ALDH5A1: variants seen among roughly 807,000 people sequenced by gnomAD.
ALDH5A1 encodes aldehyde dehydrogenase 5 family member A1, also known as succinate-semialdehyde dehydrogenase, mitochondrial.
In ALDH5A1, 33 loss-of-function variants were observed where a neutral mutation model predicts 54.7. The ratio of observed to expected loss-of-function variants is 0.60; its 90% confidence interval spans 0.46 to 0.81. The LOEUF (loss-of-function observed/expected upper bound fraction) is 0.81. Among genes scored for constraint, ALDH5A1 ranks in the 30% least tolerant of loss-of-function variants. The pLI is 0.00. For missense variants in ALDH5A1, 657 were observed against 711.0 expected (o/e 0.92, Z 0.86); for synonymous variants, 294 against 292.7 (o/e 1.00, Z -0.05).
chr6:24,522,501 G>GTGTA (rs1554137635), intron 6 of ALDH5A1: 15,221 of 361,094 alleles, frequency 0.042, 1,274 homozygotes, highest in South Asian at 0.13. Context: ...GTGTGTGTGT[G>GTGTA]TGTACAGGTG....
At chr6:24,497,581 CCA>C (rs1456811126) in intron 1 of ALDH5A1, among the ~76,000 whole-genome samples, 7 of 148,194 alleles carry the variant, frequency 4.7e-5, no homozygotes, top group Admixed American at 4.6e-4. Context: ...GAAAAGTTCT[CCA>C]AGTCCCCACT....
intron 4 of ALDH5A1, among the ~76,000 whole-genome samples, chr6:24,506,192 T>G (rs1475469793): frequency 1.3e-5 from 2 of 151,078 alleles, no homozygotes; most frequent in African/African-American, 2.4e-5. Flanking sequence ...CCTATAGAGT[T>G]TTTACTTAAT....
intron 1 of ALDH5A1, 55 bp from the exon 2 acceptor site, chr6:24,502,468 T>C (rs370312302): frequency 3.4e-5 from 44 of 1,297,680 alleles, no homozygotes; most frequent in Admixed American, 8.4e-5. Context: ...TTATTTAGCA[T>C]TCTGTCTTAC....
At chr6:24,505,055 A>G (rs1332445626) in intron 4 of ALDH5A1, 70 bp downstream of exon 4, 1 of 1,532,098 alleles carries the variant, frequency 6.5e-7, no homozygotes, top group Non-Finnish European at 9.0e-7. Context: ...TGGGACAGAA[A>G]GAAGCAATTT....
At position 24,522,926 on chromosome 6, in the gene ALDH5A1, G is replaced by T; in HGVS notation, c.1173+1G>T. 1 of 1,506,134 alleles carries T rather than the reference G, an allele frequency of 6.6e-7. No individual in the cohort carries two copies. The highest frequency in any genetic ancestry group is 1.4e-5 in the African/African-American group (1 of 71,260). The allele number at this position is 1,506,134 out of a possible 1,614,324, so 93.3% of individuals were successfully genotyped here. A position where few individuals can be genotyped will look rare whatever the true frequency, so the allele number is the denominator to read the frequency against. ...AATTAATGAAAAAGCGGTAGAAAAG[G>T]TAAGTATATTGTATTATTTGTGAAA... On this transcript the variant is annotated splice_donor_variant, in intron 7 of 9. Coordinates refer to ENST00000357578, the MANE Select transcript of ALDH5A1 (RefSeq NM_001080.3). LOFTEE classifies it high-confidence loss of function.
At chr6:24,522,952 G>A in intron 7 of ALDH5A1, 27 bp downstream of exon 7, 1 of 1,406,164 alleles carries the variant, frequency 7.1e-7, no homozygotes. Flanking sequence ...ATTTGTGAAA[G>A]TAAATTTCAT....
intron 3 of ALDH5A1, among the ~76,000 whole-genome samples, chr6:24,503,800 G>A (rs1759258081): frequency 6.6e-6 from 1 of 152,128 alleles, no homozygotes; most frequent in South Asian, 2.1e-4. Context: ...TTTTAAACTT[G>A]CCATAGTTTG....
chr6:24,528,528 A>C (rs1759866103), intron 8 of ALDH5A1, among the ~76,000 whole-genome samples: 1 of 151,692 alleles, frequency 6.6e-6, no homozygotes, highest in African/African-American at 2.4e-5. Flanking sequence ...ATACCAGGCT[A>C]ATTTTTTGTA....
chr6:24,525,436 C>T (rs780177097), intron 7 of ALDH5A1, among the ~76,000 whole-genome samples: 4 of 151,722 alleles, frequency 2.6e-5, no homozygotes, highest in East Asian at 1.9e-4. Flanking sequence ...CAGTGGCTCA[C>T]GCCTATAATC....
chr6:24,514,430 A>G (rs1759521917), intron 4 of ALDH5A1, among the ~76,000 whole-genome samples: 1 of 152,198 alleles, frequency 6.6e-6, no homozygotes, highest in South Asian at 2.1e-4. Flanking sequence ...TAGTTTGAAC[A>G]GACCGTGGCA....
intron 1 of ALDH5A1, among the ~76,000 whole-genome samples, chr6:24,502,234 G>C (rs1764835104): frequency 6.6e-6 from 1 of 152,074 alleles, no homozygotes; most frequent in Non-Finnish European, 1.5e-5. Flanking sequence ...GTTCTTTTCA[G>C]GTTCTCAGCA....
chr6:24,497,824 G>A (rs2744577), intron 1 of ALDH5A1, among the ~76,000 whole-genome samples: 54,002 of 152,002 alleles, frequency 0.36, 10,018 homozygotes, highest in African/African-American at 0.4. Context: ...AGAGGGGGCT[G>A]TGTCAGGGTT....
chr6:24,501,896 TG>T (rs1764826406), intron 1 of ALDH5A1, among the ~76,000 whole-genome samples: 1 of 143,886 alleles, frequency 6.9e-6, no homozygotes, highest in East Asian at 2.0e-4. Context: ...TATATATATA[TG>T]TGTGTGTGTG....
chr6:24,527,335 A>G (rs888610117), intron 7 of ALDH5A1, among the ~76,000 whole-genome samples: 7 of 152,036 alleles, frequency 4.6e-5, no homozygotes, highest in Non-Finnish European at 8.8e-5. Context: ...GCACTTTGGG[A>G]GGCCAAGGCG....
chr6:24,517,726 C>T (rs918172919), intron 5 of ALDH5A1, among the ~76,000 whole-genome samples: 4 of 152,228 alleles, frequency 2.6e-5, no homozygotes, highest in African/African-American at 9.6e-5. Flanking sequence ...AGTGACTGAA[C>T]AGGAAATGTG....
At chr6:24,516,202 C>T (rs1248249163) in intron 5 of ALDH5A1, among the ~76,000 whole-genome samples, 1 of 151,622 alleles carries the variant, frequency 6.6e-6, no homozygotes, top group African/African-American at 2.4e-5. Flanking sequence ...TTTGGGAGGC[C>T]GAGGCAGGCG....
rs1760009397 is a variant in ALDH5A1, at chr6:24,534,691, C to A, written c.*979C>A. The A allele has an allele frequency of 6.6e-6, 1 of 152,388 alleles. No individual in the cohort carries two copies. Among genetic ancestry groups the A allele is most frequent in the Non-Finnish European group, 1.5e-5 (1 of 68,146 alleles). The allele number at this position is 152,388 out of a possible 1,614,324, so 9.4% of individuals were successfully genotyped here. Reference sequence around the variant, plus strand: ...TTGTTACGAGCAGCACCGCCCAGCCCTTCCTTGCCTACTGTCAGTGGCTTT... The same window carrying A: ...TTGTTACGAGCAGCACCGCCCAGCCATTCCTTGCCTACTGTCAGTGGCTTT... On this transcript the variant is annotated 3_prime_UTR_variant, in exon 10 of 10. Transcript: ENST00000357578.
chr6:24,520,364 A>C, intron 5 of ALDH5A1, 37 bp from the exon 6 acceptor site: 1 of 1,612,954 alleles, frequency 6.2e-7, no homozygotes, highest in Non-Finnish European at 8.5e-7. Flanking sequence ...CTGGTAATGG[A>C]TTTCTGTGCT....
intron 7 of ALDH5A1, among the ~76,000 whole-genome samples, chr6:24,527,028 A>G (rs1167643485): frequency 7.0e-6 from 1 of 142,434 alleles, no homozygotes; most frequent in Non-Finnish European, 1.5e-5. Context: ...AAATTTTAGA[A>G]TATCAGAGCA....
Sources: allele counts gnomAD v4.1 joint callset (sites outside exome capture counted in the v4.1 genomes callset), GRCh38; gene constraint gnomAD v4.1.1; transcripts MANE v1.5; gene names NCBI Gene and HGNC (gene_info 2026-07-23, HGNC 2026-07-21).